Variants in SPAG16 observed in about 807,000 individuals in gnomAD.
The protein encoded by SPAG16 is sperm-associated antigen 16 protein.
SPAG16 carries 86 observed loss-of-function variants against 80.4 expected under a neutral mutation model. The observed-to-expected ratio is 1.07, with a 90% CI of 0.90 to 1.28. SPAG16 has a LOEUF of 1.28. SPAG16 is among the 50% of genes most tolerant of loss of function. The pLI, the probability that SPAG16 is intolerant of heterozygous loss-of-function variation, is 0.00. For missense variants in SPAG16, 870 were observed against 765.3 expected (o/e 1.14, Z -1.61); for synonymous variants, 294 against 265.9 (o/e 1.11, Z -1.03).
intron 9 of SPAG16, among the ~76,000 whole-genome samples, chr2:213,464,289 G>A (rs1194015584): frequency 6.6e-6 from 1 of 152,186 alleles, no homozygotes; most frequent in African/African-American, 2.4e-5. Context: ...ATCCAGGGGA[G>A]ATGAGTCTCT....
intron 10 of SPAG16, among the ~76,000 whole-genome samples, chr2:213,588,839 A>AAAAAAAAAAAAAAC (rs2060574489): frequency 6.9e-6 from 1 of 144,948 alleles, no homozygotes; most frequent in Non-Finnish European, 1.5e-5. Context: ...AAAAAAAAAA[A>AAAAAAAAAAAAAAC]AAAAGACTCC....
intron 15 of SPAG16, among the ~76,000 whole-genome samples, chr2:214,169,699 T>C (rs1165425858): frequency 6.6e-6 from 1 of 152,050 alleles, no homozygotes; most frequent in Non-Finnish European, 1.5e-5. Context: ...TCTAAGATGA[T>C]TGGGAGCCTC....
At chr2:214,188,411 C>T (rs2057548128) in intron 15 of SPAG16, among the ~76,000 whole-genome samples, 1 of 152,134 alleles carries the variant, frequency 6.6e-6, no homozygotes, top group African/African-American at 2.4e-5. Context: ...TTTGTTTATG[C>T]ACAATCATAG....
intron 13 of SPAG16, among the ~76,000 whole-genome samples, chr2:214,090,227 G>A (rs1361534532): frequency 1.3e-5 from 2 of 151,164 alleles, no homozygotes; most frequent in African/African-American, 2.4e-5. Context: ...AGATGAAGAC[G>A]AAGAAAAAAA....
chr2:213,368,914 G>A (rs2066478288), intron 8 of SPAG16, among the ~76,000 whole-genome samples: 1 of 152,112 alleles, frequency 6.6e-6, no homozygotes, highest in Non-Finnish European at 1.5e-5. Context: ...AAGTAAAAGA[G>A]GACACAAACA....
chr2:213,564,061 C>G (rs1349487940), intron 10 of SPAG16, among the ~76,000 whole-genome samples: 1 of 152,178 alleles, frequency 6.6e-6, no homozygotes, highest in East Asian at 1.9e-4. Context: ...TGGATGTGAT[C>G]TATGACTTCC....
intron 10 of SPAG16, among the ~76,000 whole-genome samples, chr2:213,597,799 A>T (rs2060933398): frequency 1.3e-5 from 2 of 152,168 alleles, no homozygotes; most frequent in African/African-American, 2.4e-5. Context: ...ATATTTTAAG[A>T]TGGCTATTCA....
At chr2:214,205,105 T>C (rs943022736) in intron 15 of SPAG16, among the ~76,000 whole-genome samples, 5 of 152,148 alleles carry the variant, frequency 3.3e-5, no homozygotes, top group Admixed American at 3.3e-4. Flanking sequence ...GGCAGGCATC[T>C]ATAATCCCAG....
intron 10 of SPAG16, among the ~76,000 whole-genome samples, chr2:213,530,379 T>C (rs2076027649): frequency 6.6e-6 from 1 of 152,222 alleles, no homozygotes; most frequent in Non-Finnish European, 1.5e-5. Flanking sequence ...TTCAGCTCCT[T>C]TGTAATCTTA....
At chr2:214,033,825 C>T (rs1331738047) in intron 13 of SPAG16, among the ~76,000 whole-genome samples, 2 of 151,496 alleles carry the variant, frequency 1.3e-5, no homozygotes, top group Admixed American at 1.3e-4. Context: ...TATCTAAAAA[C>T]AACAACATTC....
At chr2:213,926,179 G>T (rs1319983388) in intron 11 of SPAG16, among the ~76,000 whole-genome samples, 1 of 151,964 alleles carries the variant, frequency 6.6e-6, no homozygotes, top group Non-Finnish European at 1.5e-5. Context: ...CCTATACTGT[G>T]TTCAGTTCCT....
At chr2:213,823,282 G>T (rs975036775) in intron 10 of SPAG16, among the ~76,000 whole-genome samples, 1 of 152,150 alleles carries the variant, frequency 6.6e-6, no homozygotes, top group Admixed American at 6.6e-5. Flanking sequence ...GGCATGAGAT[G>T]GTATCTCAGG....
intron 9 of SPAG16, among the ~76,000 whole-genome samples, chr2:213,478,297 A>G (rs932669740): frequency 3.9e-5 from 6 of 152,204 alleles, no homozygotes; most frequent in African/African-American, 1.4e-4. Flanking sequence ...GGTACATTTA[A>G]ATTTTGTCAT....
intron 13 of SPAG16, among the ~76,000 whole-genome samples, chr2:214,096,437 G>T (rs945131260): frequency 6.6e-6 from 1 of 151,950 alleles, no homozygotes; most frequent in African/African-American, 2.4e-5. Flanking sequence ...CAGAGGGTTT[G>T]CTGCTTCAAT....
chr2:213,388,518 A>G (rs989680807), intron 9 of SPAG16, among the ~76,000 whole-genome samples: 1 of 152,226 alleles, frequency 6.6e-6, no homozygotes, highest in African/African-American at 2.4e-5. Flanking sequence ...AAGTCCTGAG[A>G]AAACAGTAAG....
chr2:213,939,456 A>T (rs1201660434), intron 12 of SPAG16, among the ~76,000 whole-genome samples: 3 of 152,202 alleles, frequency 2.0e-5, no homozygotes, highest in Non-Finnish European at 2.9e-5. Context: ...TCTTTCTCAG[A>T]TGTCATGTGT....
intron 10 of SPAG16, among the ~76,000 whole-genome samples, chr2:213,831,333 C>T (rs1403965692): frequency 4.0e-5 from 6 of 151,806 alleles, no homozygotes; most frequent in African/African-American, 7.3e-5. Context: ...CCACCACACC[C>T]GGCTGAACCA....
At position 213,702,394 on chromosome 2, in the gene SPAG16, A is replaced by G. The variant is rs184571034; in HGVS notation, c.1071-160091A>G. ...AATCTTGCTGCTGCTGTTTGGGTCC[A>G]TGCAGCATTTATGAGCTGTAACACT... On this transcript the variant is annotated intron_variant, in intron 10 of 15. Transcript: ENST00000331683. Among the ~76,000 whole-genome samples the G allele has an allele frequency of 1.2e-3, 185 of 152,248 alleles. 1 individual carries two copies. The highest frequency in any genetic ancestry group is 4.3e-3 in the African/African-American group (177 of 41,562).
intron 1 of SPAG16, among the ~76,000 whole-genome samples, chr2:213,288,100 A>T (rs544887091): frequency 6.6e-6 from 1 of 152,124 alleles, no homozygotes; most frequent in African/African-American, 2.4e-5. Context: ...TGTTTTTGGT[A>T]GAGACGGGGG....
Sources: allele counts gnomAD v4.1 joint callset (sites outside exome capture counted in the v4.1 genomes callset), GRCh38; gene constraint gnomAD v4.1.1; transcripts MANE v1.5; gene names NCBI Gene and HGNC (gene_info 2026-07-23, HGNC 2026-07-21).